MMP21: variants seen among roughly 807,000 people sequenced by gnomAD.
The protein encoded by MMP21 is matrix metalloproteinase-21.
MMP21 carries 40 observed loss-of-function variants against 47.8 expected under a neutral mutation model. The ratio of observed to expected loss-of-function variants is 0.84; its 90% CI spans 0.65 to 1.09. The LOEUF is 1.09. Ranked by LOEUF, MMP21 falls within the 50% of genes least tolerant of loss-of-function variation. The pLI is 0.00. For missense variants in MMP21, 747 were observed against 775.3 expected, an observed-to-expected ratio of 0.96 and a Z score of 0.43; for synonymous variants, 341 against 318.0, an observed-to-expected ratio of 1.07 and a Z score of -0.77.
At position 125,773,913 on chromosome 10, in the gene MMP21, C is replaced by T; in HGVS notation, c.615G>A (p.Trp205Ter). 2 of 1,585,020 alleles carry T rather than the reference C, an allele frequency of 1.3e-6. No homozygotes were observed. The highest frequency in any genetic ancestry group is 1.7e-6 in the Non-Finnish European group (2 of 1,172,758). Residue 205 changes from tryptophan to a stop codon, truncating the protein, a stop_gained, in exon 2 of 7, where the codon TGG becomes TGA. Coordinates refer to ENST00000368808, the MANE Select transcript of MMP21 (RefSeq NM_147191.1). LOFTEE classifies it high-confidence loss of function. The surrounding 1 kb of genome is among the most constrained non-coding windows in gnomAD (Gnocchi z 4.8). ...GGAAGTCCAGCGGCGTCACCTCGCT[C>T]CACATCCTGAAGGCCAGCGCCACAA... ...RRIVALAFRM[W>*]SEVTPLDFRE...
rs1160131087 is a variant in MMP21, at chr10:125,772,966, T to G, written c.698-216A>C. Among the ~76,000 whole-genome samples, 1 of 152,084 alleles carries G rather than the reference T, an allele frequency of 6.6e-6. No homozygotes were observed. Among genetic ancestry groups the G allele is most frequent in the Non-Finnish European group, 1.5e-5 (1 of 68,004 alleles). On this transcript the variant is annotated intron_variant, in intron 2 of 6. Transcript: ENST00000368808. This position sits in a 1 kb window ranked among gnomAD's most constrained non-coding sequence, Gnocchi z 5.6. ...CTGTCAGAGACCAGCAGGCACCAAG[T>G]GCCTGGGAGCAGAGGGGAGCGGGGC...
rs28381288 is a variant in MMP21 at position 125,773,353 on chromosome 10, C to G, written c.697+478G>C. ...TAGGCCAAGACCGGATTCCTGGGGA[C>G]GCCAGCACCCAATTTCAGGTGGCAG... On this transcript the variant is annotated intron_variant, in intron 2 of 6. Transcript: ENST00000368808. The surrounding 1 kb of genome is among the most constrained non-coding windows in gnomAD (Gnocchi z 4.8). Among the ~76,000 whole-genome samples, 2 of 152,062 alleles carry G rather than the reference C, an allele frequency of 1.3e-5. No homozygotes were observed. The highest frequency in any genetic ancestry group is 3.9e-4 in the East Asian group (2 of 5,156).
chr10:125,770,293 G>A (rs368286076), intron 5 of MMP21, 41 bp downstream of exon 5: 35 of 1,604,268 alleles, frequency 2.2e-5, no homozygotes, highest in Non-Finnish European at 2.6e-5. Context: ...GAGTGCATTC[G>A]TTTAATGAGA....
At position 125,772,930 on chromosome 10, in the gene MMP21, C is replaced by G. The variant is rs1850469137; in HGVS notation, c.698-180G>C. Among the ~76,000 whole-genome samples, 1 of 152,166 alleles carries G rather than the reference C, an allele frequency of 6.6e-6. No homozygotes were observed. Among genetic ancestry groups the G allele is most frequent in the East Asian group, 1.9e-4 (1 of 5,170 alleles). On this transcript the variant is annotated intron_variant, in intron 2 of 6. Transcript: ENST00000368808. This position sits in a 1 kb window ranked among gnomAD's most constrained non-coding sequence, Gnocchi z 5.6. Reference sequence around the variant, plus strand: ...ACGGTTTGTTTGTAAACTGTGTTTACAGTCCACAGACTGTCAGAGACCAGC... The same window carrying G: ...ACGGTTTGTTTGTAAACTGTGTTTAGAGTCCACAGACTGTCAGAGACCAGC...
Position 125,772,774 on chromosome 10 carries a change from G to C in MMP21, c.698-24C>G, listed in dbSNP as rs1410535809. 8 of 1,608,762 alleles carry C rather than the reference G, an allele frequency of 5.0e-6. No individual in the cohort carries two copies. Among genetic ancestry groups the C allele is most frequent in the African/African-American group, 2.7e-5 (2 of 74,982 alleles). Reference sequence around the variant, plus strand: ...GCCTGGCGAGGGGGAGGAGGAGTTGGTCCCGGTGAAGGATGAGTGCCCCCC... The same window carrying C: ...GCCTGGCGAGGGGGAGGAGGAGTTGCTCCCGGTGAAGGATGAGTGCCCCCC... On this transcript the variant is annotated intron_variant, in intron 2 of 6. Transcript: ENST00000368808. The surrounding 1 kb of genome is among the most constrained non-coding windows in gnomAD (Gnocchi z 5.6).
rs894663974 is a variant in MMP21, at chr10:125,772,411, C to G, written c.838-52G>C. Reference sequence around the variant, plus strand: ...CTGGGTGAAGCCTGGGCGATGGATCCCTGCATAACAGACGCAGGCCTGTGC... The same window carrying G: ...CTGGGTGAAGCCTGGGCGATGGATCGCTGCATAACAGACGCAGGCCTGTGC... On this transcript the variant is annotated intron_variant, in intron 3 of 6. Transcript: ENST00000368808. This position sits in a 1 kb window ranked among gnomAD's most constrained non-coding sequence, Gnocchi z 5.6. 2.5e-6 allele frequency: 4 copies of G among 1,608,758 alleles called. No individual in the cohort carries two copies. In the African/African-American group the frequency reaches 5.3e-5, roughly 22 times the overall value.
At chr10:125,768,722 C>T (rs1433469136) in intron 5 of MMP21, among the ~76,000 whole-genome samples, 1 of 152,202 alleles carries the variant, frequency 6.6e-6, no homozygotes, top group African/African-American at 2.4e-5. Context: ...TAAAATACAG[C>T]TGTATTGTAG....
Position 125,774,454 on chromosome 10 carries a change from A to G in MMP21, c.163-89T>C, listed in dbSNP as rs977354827. On this transcript the variant is annotated intron_variant, in intron 1 of 6. Coordinates refer to ENST00000368808, the MANE Select transcript of MMP21 (RefSeq NM_147191.1). ...CCCCAAAGTCTAGAGAGACAGAGAC[A>G]TGGGGATAGAGACAGAGACAGAGAG... The G allele has an allele frequency of 5.6e-6, 5 of 900,514 alleles. No individual in the cohort carries two copies. In the East Asian group the frequency reaches 1.4e-4, roughly 24 times the overall value. 55.8% of individuals were successfully genotyped at this position (900,514 alleles called of 1,614,324 possible).
chr10:125,773,955 C>G lies in MMP21; in HGVS notation c.573G>C (p.Val191=), dbSNP rs756287142. The G allele has an allele frequency of 2.5e-6, 4 of 1,584,764 alleles. No individual in the cohort carries two copies. The highest frequency in any genetic ancestry group is 2.3e-5 in the East Asian group (1 of 43,438). Residue 191 remains valine (V), a synonymous_variant, in exon 2 of 7, where the codon GTG becomes GTC. Transcript: ENST00000368808. The surrounding 1 kb of genome is among the most constrained non-coding windows in gnomAD (Gnocchi z 4.8). ...LGEALSSQLS[V]ADQRRIVALA... is the part of the protein sequence containing the mutation. ...GCGCCACAATGCGCCGCTGGTCGGC[C>G]ACGGACAGTTGGCTGCTCAGGGCCT...
At position 125,773,428 on chromosome 10, in the gene MMP21, C is replaced by T. The variant is rs1238929217; in HGVS notation, c.697+403G>A. On this transcript the variant is annotated intron_variant, in intron 2 of 6. Transcript: ENST00000368808. This position sits in a 1 kb window ranked among gnomAD's most constrained non-coding sequence, Gnocchi z 4.8. ...CCTTAAAAACACTTCTGTTGCTAGA[C>T]GTCCAAGGTATTTTGTCCCGCATTT... 1.3e-5 allele frequency among the ~76,000 whole-genome samples: 2 copies of T among 152,042 alleles called. No homozygotes were observed. Among genetic ancestry groups the T allele is most frequent in the East Asian group, 1.9e-4 (1 of 5,158 alleles).
At chr10:125,770,044 C>G (rs375520785) in intron 5 of MMP21, among the ~76,000 whole-genome samples, 1 of 151,952 alleles carries the variant, frequency 6.6e-6, no homozygotes, top group South Asian at 2.1e-4. Context: ...GTCCCAGCTA[C>G]TCAGGAGGCT....
At chr10:125,774,771 G>GGGGCAGGTCGCGCA (rs1264064336) in intron 1 of MMP21, among the ~76,000 whole-genome samples, 1 of 152,164 alleles carries the variant, frequency 6.6e-6, no homozygotes, top group African/African-American at 2.4e-5. Flanking sequence ...CCGGCCTTGC[G>GGGGCAGGTCGCGCA]GGGCAGGTCG....
At chr10:125,770,250 G>T in intron 5 of MMP21, 84 bp downstream of exon 5, 1 of 1,411,820 alleles carries the variant, frequency 7.1e-7, no homozygotes, top group Non-Finnish European at 9.8e-7. Context: ...CATTACAACA[G>T]ATTCCTTGGT....
chr10:125,772,174 A>C lies in MMP21; in HGVS notation c.979+44T>G, dbSNP rs1414228395. 5.0e-6 allele frequency: 8 copies of C among 1,610,188 alleles called. No individual in the cohort carries two copies. The South Asian group carries it at 7.7e-5, about 16-fold the overall frequency. On this transcript the variant is annotated intron_variant, in intron 4 of 6. Coordinates refer to ENST00000368808, the MANE Select transcript of MMP21 (RefSeq NM_147191.1). This position sits in a 1 kb window ranked among gnomAD's most constrained non-coding sequence, Gnocchi z 5.6. ...GGGGTCCTACAGTGCTCTGGAATAC[A>C]GTGTCCTCCGCTAGCTCAGGGATGC...
rs1589893591 is a variant in MMP21, at chr10:125,772,447, G to A, written c.838-88C>T. On this transcript the variant is annotated intron_variant, in intron 3 of 6. Coordinates refer to ENST00000368808, the MANE Select transcript of MMP21 (RefSeq NM_147191.1). This position sits in a 1 kb window ranked among gnomAD's most constrained non-coding sequence, Gnocchi z 5.6. Reference sequence around the variant, plus strand: ...GACGCAGGCCTGTGCTTCGAGAGGAGCGTTGCTTGTGAAGAGGGGAGCACC... The same window carrying A: ...GACGCAGGCCTGTGCTTCGAGAGGAACGTTGCTTGTGAAGAGGGGAGCACC... The A allele has an allele frequency of 4.4e-6, 7 of 1,584,226 alleles. No individual in the cohort carries two copies. The highest frequency in any genetic ancestry group is 6.0e-6 in the Non-Finnish European group (7 of 1,160,184).
Position 125,766,686 on chromosome 10 carries a change from G to C in MMP21, c.1686C>G (p.Val562=), listed in dbSNP as rs1231985831. Residue 562 remains valine, a synonymous_variant, in exon 7 of 7, where the codon GTC becomes GTG. Coordinates refer to ENST00000368808, the MANE Select transcript of MMP21 (RefSeq NM_147191.1). ...ATTACATGTTCAGTGTGGAGATATGGACGTCACAAACATCAAACCACTTCT... is the reference window on the plus strand; with the variant it reads ...ATTACATGTTCAGTGTGGAGATATGCACGTCACAAACATCAAACCACTTCT... ...ISEKWFDVCD[V]HISTLNM 1 of 1,611,846 alleles carries C rather than the reference G, an allele frequency of 6.2e-7. No homozygotes were observed. Among genetic ancestry groups the C allele is most frequent in the Admixed American group, 1.7e-5 (1 of 59,572 alleles).
Position 125,773,714 on chromosome 10 carries a change from C to G in MMP21, c.697+117G>C. ...CTGCCTGCCCCGCTGACAGGTGCCC[C>G]CGGGACAGGCCGGGAGGGCTTAGCC... On this transcript the variant is annotated intron_variant, in intron 2 of 6. Transcript: ENST00000368808. The surrounding 1 kb of genome is among the most constrained non-coding windows in gnomAD (Gnocchi z 4.8). 7.6e-7 allele frequency: 1 copy of G among 1,318,702 alleles called. No homozygotes were observed. Among genetic ancestry groups the G allele is most frequent in the South Asian group, 1.8e-5 (1 of 55,900 alleles). 81.7% of individuals were successfully genotyped at this position (1,318,702 alleles called of 1,614,324 possible). A position where few individuals can be genotyped will look rare whatever the true frequency, so the allele number is the denominator to read the frequency against.
rs28381285 is a variant in MMP21, at chr10:125,774,141, G to T, written c.387C>A (p.Ala129=). The change falls in exon 2 of 7, where the codon GCC becomes GCA. Residue 129 remains alanine, a synonymous_variant. Coordinates refer to ENST00000368808, the MANE Select transcript of MMP21 (RefSeq NM_147191.1). ...VPDMRPPPPS[A]PPSPPGPPPR... is the part of the protein sequence containing the mutation. ...GGGGCGGGCCCGGGGGCGAAGGCGG[G>T]GCGGAGGGGGGCGGTGGGCGCATGT... 581 of 1,281,696 alleles carry T rather than the reference G, an allele frequency of 4.5e-4. 1 individual carries two copies. The East Asian group carries it at 0.016, about 35-fold the overall frequency. The allele number at this position is 1,281,696 out of a possible 1,614,324, so 79.4% of individuals were successfully genotyped here. A position where few individuals can be genotyped will look rare whatever the true frequency, so the allele number is the denominator to read the frequency against.
intron 4 of MMP21, among the ~76,000 whole-genome samples, chr10:125,771,292 A>G (rs1319994212): frequency 6.6e-6 from 1 of 152,218 alleles, no homozygotes; most frequent in Non-Finnish European, 1.5e-5. Context: ...ATGTAAGAGT[A>G]AGATTTCCAC....
Sources: gnomAD v4.1 joint callset for allele counts (sites outside exome capture counted in the v4.1 genomes callset) on GRCh38, gnomAD v4.1.1 for gene constraint, Gnocchi (gnomAD v3.1) non-coding constraint, MANE v1.5 for transcripts, NCBI Gene and HGNC (gene_info 2026-07-23, HGNC 2026-07-21) for gene names.